The following TSPAN9 variants were observed in gnomAD, a reference collection of about 807,000 sequenced individuals.
TSPAN9 encodes the protein tetraspanin 9, also known as tetraspanin-9.
In TSPAN9, 16 loss-of-function variants were observed where a neutral mutation model predicts 31.0. That is an observed-to-expected ratio of 0.52 (90% CI 0.35 to 0.78). The LOEUF (loss-of-function observed/expected upper bound fraction) is 0.78, where lower values mean the gene tolerates loss of function less well. Ranked by LOEUF, TSPAN9 falls within the 30% of genes least tolerant of loss-of-function variation. The pLI is 0.01. For synonymous variants in TSPAN9, 145 were observed against 121.6 expected (o/e 1.19, Z -1.27); for missense variants, 272 against 312.5 (o/e 0.87, Z 0.98).
intron 2 of TSPAN9, among the ~76,000 whole-genome samples, chr12:3,105,218 C>T (rs567801139): frequency 3.3e-5 from 5 of 152,284 alleles, no homozygotes; most frequent in East Asian, 1.9e-4. Context: ...CTCAGTGCCC[C>T]GAGGCAGGCA....
chr12:3,109,745 C>T (rs539254294), intron 2 of TSPAN9, among the ~76,000 whole-genome samples: 23 of 146,934 alleles, frequency 1.6e-4, no homozygotes, highest in African/African-American at 5.0e-4. Context: ...TTGCAGTCAG[C>T]CGAGATCGCA....
chr12:3,228,274 AG>A (rs1472382220), intron 3 of TSPAN9, among the ~76,000 whole-genome samples: 1 of 152,230 alleles, frequency 6.6e-6, no homozygotes, highest in Non-Finnish European at 1.5e-5. Flanking sequence ...CTGAGGCTGG[AG>A]GATCACTTGA....
At chr12:3,083,325 A>G (rs544478850) in intron 1 of TSPAN9, among the ~76,000 whole-genome samples, 6 of 152,334 alleles carry the variant, frequency 3.9e-5, no homozygotes, top group African/African-American at 1.4e-4. Context: ...TCCTTGGATG[A>G]CAAAGGTCTA....
At chr12:3,228,962 C>T (rs1041151917) in intron 3 of TSPAN9, among the ~76,000 whole-genome samples, 2 of 152,194 alleles carry the variant, frequency 1.3e-5, no homozygotes, top group East Asian at 1.9e-4. Flanking sequence ...TCTCCTCCTC[C>T]TCTGTATACC....
intron 2 of TSPAN9, among the ~76,000 whole-genome samples, chr12:3,104,183 T>A (rs1307424893): frequency 6.6e-6 from 1 of 152,022 alleles, no homozygotes; most frequent in Non-Finnish European, 1.5e-5. Flanking sequence ...ATTTGGATTA[T>A]CTAGGCCATC....
intron 3 of TSPAN9, among the ~76,000 whole-genome samples, chr12:3,230,393 T>C (rs896209899): frequency 3.3e-5 from 5 of 152,156 alleles, no homozygotes; most frequent in Non-Finnish European, 7.4e-5. Context: ...CTTGTGAGCC[T>C]GACTCCCCTG....
At chr12:3,081,834 G>GTATATATATATA (rs1477420908) in intron 1 of TSPAN9, among the ~76,000 whole-genome samples, 6 of 75,784 alleles carry the variant, frequency 7.9e-5, no homozygotes, top group African/African-American at 3.5e-4. Context: ...GTGTGTGTGT[G>GTATATATATATA]TCTGTGTGTG....
intron 2 of TSPAN9, among the ~76,000 whole-genome samples, chr12:3,105,774 A>ACACGCTCATACACACTCACG (rs1555141408): frequency 2.2e-5 from 3 of 137,096 alleles, no homozygotes; most frequent in East Asian, 2.1e-4. Context: ...ACGCGCACGC[A>ACACGCTCATACACACTCACG]CACACGCTCA....
chr12:3,157,782 C>T (rs1050559720), intron 2 of TSPAN9, among the ~76,000 whole-genome samples: 25 of 152,262 alleles, frequency 1.6e-4, no homozygotes, highest in Middle Eastern at 3.4e-3. Context: ...ATCAGGTGGG[C>T]GCTGGGCAGA....
chr12:3,220,701 C>T (rs1269818943), intron 3 of TSPAN9, among the ~76,000 whole-genome samples: 1 of 152,090 alleles, frequency 6.6e-6, no homozygotes. Flanking sequence ...TACTGGTGTG[C>T]TGGGCCGGGG....
chr12:3,118,035 T>G (rs1011886153), intron 2 of TSPAN9, among the ~76,000 whole-genome samples: 3 of 151,612 alleles, frequency 2.0e-5, no homozygotes, highest in African/African-American at 7.3e-5. Context: ...GGCCTGCCAC[T>G]CTCCAGTTAT....
intron 2 of TSPAN9, among the ~76,000 whole-genome samples, chr12:3,121,309 C>A (rs2098324941): frequency 6.7e-6 from 1 of 149,534 alleles, no homozygotes; most frequent in South Asian, 2.1e-4. Flanking sequence ...TGTTTGGGCG[C>A]AGCTGACATA....
intron 3 of TSPAN9, among the ~76,000 whole-genome samples, chr12:3,252,397 G>A (rs1479583380): frequency 6.6e-6 from 1 of 152,222 alleles, no homozygotes; most frequent in Non-Finnish European, 1.5e-5. Context: ...ATGTTCATCC[G>A]TGGCAGGTGT....
chr12:3,274,825 C>T (rs917831090), intron 3 of TSPAN9, among the ~76,000 whole-genome samples: 32 of 152,244 alleles, frequency 2.1e-4, no homozygotes, highest in African/African-American at 7.0e-4. Context: ...CTGTACTGCA[C>T]AGGCCTCCTC....
intron 3 of TSPAN9, among the ~76,000 whole-genome samples, chr12:3,234,963 A>G (rs1035357913): frequency 6.7e-6 from 1 of 150,224 alleles, no homozygotes; most frequent in African/African-American, 2.5e-5. Flanking sequence ...GATCGAGACC[A>G]TCCTGGCTAA....
At position 3,201,160 on chromosome 12, in the gene TSPAN9, C is replaced by T. The variant is rs1293082211; in HGVS notation, c.-17-17C>T. The T allele has an allele frequency of 2.5e-6, 4 of 1,609,430 alleles. No homozygotes were observed. The highest frequency in any genetic ancestry group is 3.4e-6 in the Non-Finnish European group (4 of 1,175,708). Reference sequence around the variant, plus strand: ...ACGTGGTGTTTTACCTGGACCTGTCCTTTGTGTTCCTCCTAGAATTTAAGA... The same window carrying T: ...ACGTGGTGTTTTACCTGGACCTGTCTTTTGTGTTCCTCCTAGAATTTAAGA... On this transcript the variant is annotated splice_polypyrimidine_tract_variant and intron_variant, in intron 2 of 8. Coordinates refer to ENST00000011898, the MANE Select transcript of TSPAN9 (RefSeq NM_006675.5).
rs1190873534 is a variant in TSPAN9, at chr12:3,284,699, G to T, written c.*1583G>T. On this transcript the variant is annotated 3_prime_UTR_variant, in exon 9 of 9. Transcript: ENST00000011898. The stretch of plus-strand genomic sequence containing the variant: ...TACTGTTTTGCCGTTCAAAAAGGTC[G>T]CGAATCCGTGGGACTGAGCACGGGG... The T allele has an allele frequency of 6.6e-6, 1 of 152,252 alleles. No individual in the cohort carries two copies. Among genetic ancestry groups the T allele is most frequent in the Non-Finnish European group, 1.5e-5 (1 of 68,052 alleles). 9.4% of individuals were successfully genotyped at this position (152,252 alleles called of 1,614,324 possible). A position where few individuals can be genotyped will look rare whatever the true frequency, so the allele number is the denominator to read the frequency against.
At chr12:3,234,422 T>A (rs2098392287) in intron 3 of TSPAN9, among the ~76,000 whole-genome samples, 1 of 152,128 alleles carries the variant, frequency 6.6e-6, no homozygotes, top group Non-Finnish European at 1.5e-5. Flanking sequence ...CATGACCCCC[T>A]CCCTCTGCTC....
At chr12:3,158,659 T>C (rs1246090266) in intron 2 of TSPAN9, among the ~76,000 whole-genome samples, 1 of 140,800 alleles carries the variant, frequency 7.1e-6, no homozygotes, top group African/African-American at 2.6e-5. Flanking sequence ...GAGGCAGAGG[T>C]TGCAGTGAGC....
Sources: allele counts gnomAD v4.1 joint callset (sites outside exome capture counted in the v4.1 genomes callset), GRCh38; gene constraint gnomAD v4.1.1; transcripts MANE v1.5; gene names NCBI Gene and HGNC (gene_info 2026-07-23, HGNC 2026-07-21).